Variants in CCDC191 observed in about 807,000 individuals in gnomAD.
The protein encoded by CCDC191 is coiled-coil domain-containing protein 191.
CCDC191 carries 99 observed loss-of-function variants against 114.0 expected under a neutral mutation model. That is an observed-to-expected ratio of 0.87 (90% CI 0.74 to 1.03). CCDC191 has a LOEUF of 1.03. Ranked by LOEUF, CCDC191 falls within the 50% of genes least tolerant of loss-of-function variation. The pLI, the probability that CCDC191 is intolerant of heterozygous loss-of-function variation, is 0.00. For synonymous variants in CCDC191, 351 were observed against 376.0 expected, an observed-to-expected ratio of 0.93 and a Z score of 0.77; for missense variants, 973 against 1,087.0, an observed-to-expected ratio of 0.90 and a Z score of 1.47.
In CCDC191 at chr3:114,042,853, T is replaced by C; in HGVS notation, c.272-7A>G. The C allele has an allele frequency of 1.9e-6, 3 of 1,582,502 alleles. No homozygotes were observed. The highest frequency in any genetic ancestry group is 1.7e-6 in the Non-Finnish European group (2 of 1,170,436). On this transcript the variant is annotated splice_polypyrimidine_tract_variant and splice_region_variant and intron_variant, in intron 3 of 16. Coordinates refer to ENST00000295878, the MANE Select transcript of CCDC191 (RefSeq NM_020817.2). ...TCATTGACCAGCTCCTGAGCTACAA[T>C]AAAACAAAAACATGTTAAGTATTTC... is the stretch of plus-strand genomic sequence containing the variant.
At chr3:113,972,615 T>C (rs1346488862) in intron 16 of CCDC191, among the ~76,000 whole-genome samples, 1 of 152,172 alleles carries the variant, frequency 6.6e-6, no homozygotes, top group African/African-American at 2.4e-5. Flanking sequence ...TTAAGTTTGA[T>C]GTTTCCTTGC....
intron 16 of CCDC191, among the ~76,000 whole-genome samples, chr3:113,967,899 T>C (rs955096583): frequency 6.6e-6 from 1 of 152,272 alleles, no homozygotes; most frequent in African/African-American, 2.4e-5. Flanking sequence ...TTTGTCTTTC[T>C]GTGCTTGACT....
intron 7 of CCDC191, among the ~76,000 whole-genome samples, chr3:114,019,527 C>T (rs544639873): frequency 1.3e-5 from 2 of 152,264 alleles, no homozygotes; most frequent in Admixed American, 1.3e-4. Context: ...ACTCATGATC[C>T]TAGTCTAAGA....
chr3:114,006,093 C>T, intron 9 of CCDC191, 131 bp from the exon 10 acceptor site: 1 of 832,114 alleles, frequency 1.2e-6, no homozygotes, highest in Non-Finnish European at 2.0e-6. Flanking sequence ...GTGGTCTGTG[C>T]TCCTGGCCTG....
In CCDC191 at chr3:114,042,762, A is replaced by C. The variant is rs953021972; in HGVS notation, c.356T>G (p.Val119Gly). The change falls in exon 4 of 17, where the codon GTG becomes GGG. Residue 119 changes from valine to glycine, a missense_variant. Transcript: ENST00000295878. ...SEEEGDAKNT[V>G]SSVTIMPEAN... is the part of the protein sequence containing the mutation. Reference sequence around the variant, plus strand: ...TTCCGGCATAATAGTGACACTTGACACAGTGTTTTTAGCATCACCTTCTTC... The same window carrying C: ...TTCCGGCATAATAGTGACACTTGACCCAGTGTTTTTAGCATCACCTTCTTC... 2.5e-6 allele frequency: 4 copies of C among 1,600,630 alleles called. No homozygotes were observed. Among genetic ancestry groups the C allele is most frequent in the Non-Finnish European group, 3.4e-6 (4 of 1,175,410 alleles).
At chr3:114,014,691 T>A (rs916731538) in intron 8 of CCDC191, among the ~76,000 whole-genome samples, 7 of 152,124 alleles carry the variant, frequency 4.6e-5, no homozygotes, top group African/African-American at 1.7e-4. Flanking sequence ...TCCCATGAAT[T>A]TCTATTTCTA....
At chr3:114,004,398 G>GT (rs755048604) in intron 11 of CCDC191, 6 of 1,069,642 alleles carry the variant, frequency 5.6e-6, no homozygotes, top group Non-Finnish European at 6.8e-6. Context: ...TTTCAGCTAT[G>GT]TTTTTTTGTG....
intron 2 of CCDC191, among the ~76,000 whole-genome samples, chr3:114,051,394 C>G (rs939837460): frequency 1.3e-5 from 2 of 152,136 alleles, no homozygotes; most frequent in African/African-American, 2.4e-5. Flanking sequence ...GAGAAAACCT[C>G]CAAGTCTGGA....
In CCDC191 at chr3:113,966,394, G is replaced by A. The variant is rs868002136; in HGVS notation, c.2607-1035C>T. ...AGGTAAGCCAGGTACCGTCTGCCCC[G>A]GGAGAGGCTGAAACAGGTGACCAGA... is the stretch of plus-strand genomic sequence containing the variant. On this transcript the variant is annotated intron_variant, in intron 16 of 16. Coordinates refer to ENST00000295878, the MANE Select transcript of CCDC191 (RefSeq NM_020817.2). 4.6e-5 allele frequency among the ~76,000 whole-genome samples: 7 copies of A among 152,118 alleles called. 1 individual carries two copies. In the South Asian group the frequency reaches 6.2e-4, roughly 13 times the overall value.
chr3:114,046,761 A>G, intron 2 of CCDC191, 29 bp from the exon 3 acceptor site: 1 of 1,557,634 alleles, frequency 6.4e-7, no homozygotes, highest in Non-Finnish European at 8.7e-7. Flanking sequence ...AAAAATCCAT[A>G]AAGATGACAA....
chr3:114,009,751 A>G (rs1270917279), intron 9 of CCDC191, among the ~76,000 whole-genome samples: 2 of 152,350 alleles, frequency 1.3e-5, no homozygotes, highest in South Asian at 2.1e-4. Flanking sequence ...GTATTATCCT[A>G]AGTAAAGCAT....
intron 13 of CCDC191, among the ~76,000 whole-genome samples, chr3:113,993,953 C>T (rs1280180706): frequency 6.6e-6 from 1 of 151,938 alleles, no homozygotes; most frequent in Non-Finnish European, 1.5e-5. Flanking sequence ...AAATGTAAAA[C>T]TTTGTGAAGG....
chr3:113,980,315 G>T (rs2075100659), intron 14 of CCDC191, among the ~76,000 whole-genome samples: 1 of 152,164 alleles, frequency 6.6e-6, no homozygotes, highest in South Asian at 2.1e-4. Flanking sequence ...TGTCTGTTAT[G>T]CAACTTTATC....
chr3:113,987,129 G>GA (rs56971862), intron 13 of CCDC191, among the ~76,000 whole-genome samples: 1 of 139,154 alleles, frequency 7.2e-6, no homozygotes. Context: ...GGTGTTGAAA[G>GA]AAAAAAAAAA....
At chr3:113,974,594 A>C (rs1306599896) in intron 16 of CCDC191, among the ~76,000 whole-genome samples, 3 of 152,130 alleles carry the variant, frequency 2.0e-5, no homozygotes, top group African/African-American at 7.2e-5. Context: ...TGCTGGGATT[A>C]AGGTATGAGC....
intron 8 of CCDC191, among the ~76,000 whole-genome samples, chr3:114,015,344 A>G (rs1044231208): frequency 1.1e-4 from 17 of 152,328 alleles, no homozygotes; most frequent in African/African-American, 3.8e-4. Flanking sequence ...GCGGCCCAGG[A>G]AAGAATTGAG....
chr3:114,021,216 G>A (rs187416316), intron 7 of CCDC191, among the ~76,000 whole-genome samples: 2 of 152,244 alleles, frequency 1.3e-5, no homozygotes, highest in African/African-American at 2.4e-5. Context: ...GAACATATCT[G>A]AATGTAGGAG....
intron 13 of CCDC191, among the ~76,000 whole-genome samples, chr3:113,986,571 G>A (rs1408389351): frequency 6.6e-6 from 1 of 152,104 alleles, no homozygotes; most frequent in Admixed American, 6.5e-5. Context: ...AAGTCTTGAA[G>A]GTAGCTAAAG....
intron 13 of CCDC191, 117 bp from the exon 14 acceptor site, chr3:113,980,910 T>C: frequency 1.1e-6 from 1 of 926,922 alleles, no homozygotes; most frequent in Non-Finnish European, 1.6e-6. Flanking sequence ...TTAATCATGA[T>C]AACAGAGCTC....
Sources: gnomAD v4.1 joint callset for allele counts (sites outside exome capture counted in the v4.1 genomes callset) on GRCh38, gnomAD v4.1.1 for gene constraint, MANE v1.5 for transcripts, NCBI Gene and HGNC (gene_info 2026-07-23, HGNC 2026-07-21) for gene names.